The following SMAD5 variants were observed in gnomAD, a reference collection of about 807,000 sequenced individuals.
SMAD5 encodes the protein MAD, mothers against decapentaplegic homolog 5.
Under a neutral mutation model 43.1 loss-of-function variants are expected in SMAD5, and 9 were observed. The observed-to-expected ratio is 0.21, with a 90% CI of 0.13 to 0.36. The LOEUF is 0.36. Among genes scored for constraint, SMAD5 ranks in the 10% least tolerant of loss-of-function variants. The pLI is 1.00. For missense variants in SMAD5, 348 were observed against 574.0 expected (o/e 0.61, Z 4.02); for synonymous variants, 190 against 192.4 (o/e 0.99, Z 0.10).
In SMAD5 at chr5:136,174,349, G is replaced by T. The variant is rs547414288; in HGVS notation, c.998-27G>T. The T allele has an allele frequency of 3.1e-5, 49 of 1,603,778 alleles. No homozygotes were observed. In the Admixed American group the frequency reaches 7.0e-4, roughly 23 times the overall value. Reference sequence around the variant, plus strand: ...TTTCATTGTAATGATTCTTTTAGCTGACTCTTGTGATGTTTGTCTTTTTAA... The same window carrying T: ...TTTCATTGTAATGATTCTTTTAGCTTACTCTTGTGATGTTTGTCTTTTTAA... On this transcript the variant is annotated intron_variant, in intron 6 of 7. Transcript: ENST00000545279.
chr5:136,148,783 A>G (rs1169305015), intron 2 of SMAD5, among the ~76,000 whole-genome samples: 1 of 151,950 alleles, frequency 6.6e-6, no homozygotes, highest in Non-Finnish European at 1.5e-5. Flanking sequence ...ATTTTTGCAA[A>G]ATCTGTAGTC....
At chr5:136,159,970 T>C (rs1181601422) in intron 3 of SMAD5, among the ~76,000 whole-genome samples, 1 of 152,194 alleles carries the variant, frequency 6.6e-6, no homozygotes, top group African/African-American at 2.4e-5. Context: ...TACAGGACAA[T>C]TGTTAATGAG....
intron 3 of SMAD5, among the ~76,000 whole-genome samples, chr5:136,156,725 A>G (rs774478547): frequency 1.3e-5 from 2 of 152,226 alleles, no homozygotes; most frequent in African/African-American, 4.8e-5. Context: ...CCAAAGTGTG[A>G]CTAGTAGTCA....
chr5:136,158,116 T>C (rs1009334751), intron 3 of SMAD5, among the ~76,000 whole-genome samples: 10 of 152,112 alleles, frequency 6.6e-5, no homozygotes, highest in Non-Finnish European at 1.2e-4. Context: ...ATTCTGGAAA[T>C]AGAGCATTGA....
At chr5:136,161,577 A>G (rs1753827051) in intron 4 of SMAD5, among the ~76,000 whole-genome samples, 1 of 152,224 alleles carries the variant, frequency 6.6e-6, no homozygotes, top group Non-Finnish European at 1.5e-5. Flanking sequence ...TTTCACCTTT[A>G]CTGTGTGGCT....
In SMAD5 at chr5:136,148,332, A is replaced by G. The variant is rs140545150; in HGVS notation, c.-170+426A>G. Among the ~76,000 whole-genome samples, 224 of 151,782 alleles carry G rather than the reference A, an allele frequency of 1.5e-3. 3 individuals are homozygous for G. Among genetic ancestry groups the G allele is most frequent in the African/African-American group, 5.1e-3 (212 of 41,452 alleles). ...CCTCTGTTAAATTCTTTGATAGTCA[A>G]GTTACTCTTACCCTCCTCCCGAACA... is the stretch of plus-strand genomic sequence containing the variant. On this transcript the variant is annotated intron_variant, in intron 2 of 7. Transcript: ENST00000545279.
rs542829060 is a variant in SMAD5, at chr5:136,182,104, T to G, written c.*4624T>G. On this transcript the variant is annotated 3_prime_UTR_variant, in exon 8 of 8. Transcript: ENST00000545279. ...TTTAAAGGTTTATTTGAAGATGCTGTTAAAGTACAGAATTTTGTGTACAGG... is the reference window on the plus strand; with the variant it reads ...TTTAAAGGTTTATTTGAAGATGCTGGTAAAGTACAGAATTTTGTGTACAGG... The G allele has an allele frequency of 2.0e-4, 30 of 152,300 alleles. No homozygotes were observed. Among genetic ancestry groups the G allele is most frequent in the African/African-American group, 6.7e-4 (28 of 41,580 alleles). 9.4% of individuals were successfully genotyped at this position (152,300 alleles called of 1,614,324 possible). A position where few individuals can be genotyped will look rare whatever the true frequency, so the allele number is the denominator to read the frequency against.
chr5:136,177,446 G>A lies in SMAD5; in HGVS notation c.1364G>A (p.Gly455Asp). 1 of 1,612,428 alleles carries A rather than the reference G, an allele frequency of 6.2e-7. No homozygotes were observed. Among genetic ancestry groups the A allele is most frequent in the Non-Finnish European group, 8.5e-7 (1 of 1,179,004 alleles). The stretch of plus-strand genomic sequence containing the variant: ...CTGGATAAAGTCCTTACTCAGATGG[G>A]CTCCCCTCTGAACCCCATATCTTCT... Reference protein sequence around the residue: ...QWLDKVLTQMGSPLNPISSVS With the variant: ...QWLDKVLTQMDSPLNPISSVS The change falls in exon 8 of 8, where the codon GGC becomes GAC. Residue 455 changes from glycine (G) to aspartate (D), a missense_variant. By Grantham distance (94) the Gly-to-Asp change is moderately conservative. This residue lies in a region of SMAD5 where 97 missense variants were observed against 211.8 expected (regional missense o/e 0.46). Coordinates refer to ENST00000545279, the MANE Select transcript of SMAD5 (RefSeq NM_005903.7).
chr5:136,171,010 A>G (rs1754200121), intron 5 of SMAD5, among the ~76,000 whole-genome samples: 1 of 152,144 alleles, frequency 6.6e-6, no homozygotes, highest in Non-Finnish European at 1.5e-5. Context: ...TAATTTGCAA[A>G]CAAAGACAAT....
chr5:136,138,162 G>A (rs1378288412), intron 1 of SMAD5, among the ~76,000 whole-genome samples: 1 of 152,178 alleles, frequency 6.6e-6, no homozygotes, highest in Non-Finnish European at 1.5e-5. Context: ...AGAGGAGCAG[G>A]TGAAGCTTAA....
At chr5:136,174,747 T>A in intron 7 of SMAD5, 115 bp downstream of exon 7, 1 of 680,846 alleles carries the variant, frequency 1.5e-6, no homozygotes, top group Non-Finnish European at 2.5e-6. Context: ...TGGCCTGATT[T>A]AACAGGTTTT....
At chr5:136,172,690 C>T (rs1380637987) in intron 6 of SMAD5, 35 bp downstream of exon 6, 3 of 1,392,644 alleles carry the variant, frequency 2.2e-6, no homozygotes, top group Non-Finnish European at 3.1e-6. Flanking sequence ...TAATCGAATT[C>T]AATCATTTGT....
Position 136,178,337 on chromosome 5 carries a change from T to C in SMAD5, c.*857T>C, listed in dbSNP as rs2149783762. The C allele has an allele frequency of 6.5e-6, 1 of 152,766 alleles. No homozygotes were observed. The highest frequency in any genetic ancestry group is 1.9e-4 in the East Asian group (1 of 5,180). The allele number at this position is 152,766 out of a possible 1,614,324, so 9.5% of individuals were successfully genotyped here. On this transcript the variant is annotated 3_prime_UTR_variant, in exon 8 of 8. Coordinates refer to ENST00000545279, the MANE Select transcript of SMAD5 (RefSeq NM_005903.7). ...ATTAATCTTTTATTTTGCACTTTTA[T>C]GGGTGACAGTTTTTAGCATAACCTT...
chr5:136,145,437 G>A (rs1470710218), intron 1 of SMAD5, among the ~76,000 whole-genome samples: 1 of 151,860 alleles, frequency 6.6e-6, no homozygotes, highest in East Asian at 1.9e-4. Flanking sequence ...GAGCAGTGTC[G>A]GAACATTCTT....
intron 2 of SMAD5, 31 bp downstream of exon 2, chr5:136,147,937 C>G (rs183843775): frequency 1.3e-5 from 2 of 151,832 alleles, no homozygotes; most frequent in Admixed American, 6.6e-5. Flanking sequence ...ATTCATGCCA[C>G]TCTGTTTCTT....
At chr5:136,172,365 A>T in intron 5 of SMAD5, 69 bp from the exon 6 acceptor site, 2 of 912,620 alleles carry the variant, frequency 2.2e-6, no homozygotes, top group Non-Finnish European at 3.3e-6. Flanking sequence ...TTGGGTTAAA[A>T]GATAAACACA....
At chr5:136,134,777 CT>C (rs1393009122) in intron 1 of SMAD5, 1 of 152,150 alleles carries the variant, frequency 6.6e-6, no homozygotes, top group African/African-American at 2.4e-5. Context: ...CTTTCCTTCC[CT>C]TTCCACATTG....
intron 2 of SMAD5, chr5:136,152,768 A>C (rs1580776315): frequency 6.6e-6 from 1 of 152,484 alleles, no homozygotes; most frequent in East Asian, 1.9e-4. Flanking sequence ...GGTGTGTGCC[A>C]CTGAGCCTGG....
chr5:136,144,538 C>G (rs1753194841), intron 1 of SMAD5, among the ~76,000 whole-genome samples: 1 of 151,472 alleles, frequency 6.6e-6, no homozygotes, highest in South Asian at 2.1e-4. Flanking sequence ...TTCCTTGAAG[C>G]CTATTGACTT....
Sources: allele counts gnomAD v4.1 joint callset (sites outside exome capture counted in the v4.1 genomes callset), GRCh38; gene constraint gnomAD v4.1.1; regional missense constraint gnomAD v4.1.1; transcripts MANE v1.5; gene names NCBI Gene and HGNC (gene_info 2026-07-23, HGNC 2026-07-21).